VARS2: variants seen among roughly 807,000 people sequenced by gnomAD.
The protein encoded by VARS2 is valine--tRNA ligase, mitochondrial.
In VARS2, 105 loss-of-function variants were observed where a neutral mutation model predicts 154.1. The observed-to-expected ratio is 0.68, with a 90% CI of 0.58 to 0.80. The LOEUF (loss-of-function observed/expected upper bound fraction) is 0.80, where lower values mean the gene tolerates loss of function less well. VARS2 is among the 30% of genes least tolerant of loss of function. VARS2 has a pLI of 0.00. For missense variants in VARS2, 1,157 were observed against 1,361.4 expected (o/e 0.85, Z 2.36); for synonymous variants, 483 against 539.5 (o/e 0.90, Z 1.45).
At position 30,924,547 on chromosome 6, in the gene VARS2, G is replaced by T; in HGVS notation, c.2660G>T (p.Ser887Ile). The change falls in exon 26 of 30, where the codon AGC (serine) becomes ATC (isoleucine). Residue 887 changes from serine (S) to isoleucine (I), a missense_variant. Coordinates refer to ENST00000676266, the MANE Select transcript of VARS2 (RefSeq NM_020442.6). Reference protein sequence around the residue: ...APSISVAPYPSACSLEHWRQP... With the variant: ...APSISVAPYPIACSLEHWRQP... ...AGCATCTCGGTTGCCCCCTACCCCA[G>T]CGCCTGCAGCTTGGTGAGTCCCAAG... The T allele has an allele frequency of 1.3e-6, 2 of 1,531,956 alleles. No homozygotes were observed. The highest frequency in any genetic ancestry group is 1.8e-6 in the Non-Finnish European group (2 of 1,133,566). The allele number at this position is 1,531,956 out of a possible 1,614,324, so 94.9% of individuals were successfully genotyped here.
chr6:30,925,756 G>A, intron 28 of VARS2, 37 bp downstream of exon 28: 1 of 1,610,782 alleles, frequency 6.2e-7, no homozygotes, highest in Non-Finnish European at 8.5e-7. Context: ...GGGCAGGCTT[G>A]GGAAGCATGC....
rs780866701 is a variant in VARS2, at chr6:30,925,874, C to A, written c.2962-6C>A. 6.2e-7 allele frequency: 1 copy of A among 1,612,562 alleles called. No homozygotes were observed. The highest frequency in any genetic ancestry group is 2.2e-5 in the East Asian group (1 of 44,884). ...GTCTGAGCCTTTTCTCCCTGTTCTTCCCCAGGGCCTGGTGGACCCGCAGAT... is the reference window on the plus strand; with the variant it reads ...GTCTGAGCCTTTTCTCCCTGTTCTTACCCAGGGCCTGGTGGACCCGCAGAT... On this transcript the variant is annotated splice_polypyrimidine_tract_variant and splice_region_variant and intron_variant, in intron 28 of 29. Transcript: ENST00000676266.
chr6:30,925,241 C>G, intron 26 of VARS2, 33 bp from the exon 27 acceptor site: 2 of 1,568,300 alleles, frequency 1.3e-6, no homozygotes, highest in Non-Finnish European at 1.7e-6. Flanking sequence ...CCCAGGAGCC[C>G]CTTTGCCAAT....
At position 30,922,125 on chromosome 6, in the gene VARS2, C is replaced by A. The variant is rs1367571573; in HGVS notation, c.1816C>A (p.Leu606Ile). 7 of 1,612,694 alleles carry A rather than the reference C, an allele frequency of 4.3e-6. No individual in the cohort carries two copies. In the African/African-American group the frequency reaches 9.4e-5, roughly 22 times the overall value. ...ALGWPQETPDLARFYPLSLLE... is the reference protein window; with the variant it reads ...ALGWPQETPDIARFYPLSLLE... ...CTCCTCTTCCCCCTAGACCCCAGAC[C>A]TTGCTCGTTTCTACCCCCTGTCACT... Residue 606 changes from leucine to isoleucine, a missense_variant, in exon 20 of 30, where the codon CTT (leucine) becomes ATT (isoleucine). Coordinates refer to ENST00000676266, the MANE Select transcript of VARS2 (RefSeq NM_020442.6).
At position 30,920,859 on chromosome 6, in the gene VARS2, C is replaced by A; in HGVS notation, c.1479+110C>A. ...CCTCCTGCCCTGAAGACCTCTCCAG[C>A]TGTGGTAACTGAGAGGATGTGTGGG... On this transcript the variant is annotated intron_variant, in intron 15 of 29. Transcript: ENST00000676266. This position sits in a 1 kb window ranked among gnomAD's most constrained non-coding sequence, Gnocchi z 4.6. The A allele has an allele frequency of 9.0e-7, 1 of 1,117,230 alleles. No individual in the cohort carries two copies. Among genetic ancestry groups the A allele is most frequent in the Non-Finnish European group, 1.3e-6 (1 of 795,748 alleles). The allele number at this position is 1,117,230 out of a possible 1,614,324, so 69.2% of individuals were successfully genotyped here. A position where few individuals can be genotyped will look rare whatever the true frequency, so the allele number is the denominator to read the frequency against.
In VARS2 at chr6:30,918,888, C is replaced by T. The variant is rs199628912; in HGVS notation, c.1047C>T (p.Ala349=). The change falls in exon 11 of 30, where the codon GCC becomes GCT. Residue 349 remains alanine (A), a synonymous_variant. Transcript: ENST00000676266. ...CGCTGCCTGGAGATGTGGCTGTGGC[C>T]GTTCATCCAGACGACTCGCGATACA... ...PETLPGDVAV[A]VHPDDSRYTH... 18 of 1,612,812 alleles carry T rather than the reference C, an allele frequency of 1.1e-5. No homozygotes were observed. The highest frequency in any genetic ancestry group is 2.7e-5 in the African/African-American group (2 of 74,898).
chr6:30,915,766 A>G lies in VARS2; in HGVS notation c.405A>G (p.Thr135=). ...PEYQARLPQA[T]GETFSMCIPP... ...TCTAGGCCCGGCTGCCCCAAGCTAC[A>G]GGGGAGACCTTTTCCATGTGTATCC... Residue 135 remains threonine (T), a synonymous_variant, in exon 5 of 30, where the codon ACA becomes ACG. Coordinates refer to ENST00000676266, the MANE Select transcript of VARS2 (RefSeq NM_020442.6). 6.2e-7 allele frequency: 1 copy of G among 1,613,494 alleles called. No homozygotes were observed. The highest frequency in any genetic ancestry group is 8.5e-7 in the Non-Finnish European group (1 of 1,180,002).
chr6:30,921,024 G>T lies in VARS2; in HGVS notation c.1480-41G>T. On this transcript the variant is annotated intron_variant, in intron 15 of 29. Transcript: ENST00000676266. This position sits in a 1 kb window ranked among gnomAD's most constrained non-coding sequence, Gnocchi z 4.6. Reference sequence around the variant, plus strand: ...GTCCTATCTGTGGAGGTGCGGCCGTGCAGGAAGGGCAACATTGTCTAAAGT... The same window carrying T: ...GTCCTATCTGTGGAGGTGCGGCCGTTCAGGAAGGGCAACATTGTCTAAAGT... 1 of 1,576,040 alleles carries T rather than the reference G, an allele frequency of 6.3e-7. No individual in the cohort carries two copies. Among genetic ancestry groups the T allele is most frequent in the Middle Eastern group, 1.7e-4 (1 of 5,852 alleles).
intron 26 of VARS2, 58 bp from the exon 27 acceptor site, chr6:30,925,216 G>A (rs901593058): frequency 1.5e-6 from 2 of 1,335,682 alleles, no homozygotes; most frequent in Non-Finnish European, 2.1e-6. Flanking sequence ...AGCCAGCAGG[G>A]TTGGTACTGA....
rs1025339135 is a variant in VARS2, at chr6:30,914,658, C to T, written c.-27-152C>T. On this transcript the variant is annotated intron_variant, in intron 1 of 29. Coordinates refer to ENST00000676266, the MANE Select transcript of VARS2 (RefSeq NM_020442.6). ...CATGGCGCTGTCTGTCGATACCATG[C>T]ACTCTAGCTCTCAAGGAGGAAAGGT... The T allele has an allele frequency of 9.7e-6, 10 of 1,034,600 alleles. No homozygotes were observed. In the Admixed American group the frequency reaches 2.7e-4, roughly 27 times the overall value. The allele number at this position is 1,034,600 out of a possible 1,614,324, so 64.1% of individuals were successfully genotyped here.
rs1437146141 is a variant in VARS2 at position 30,926,355 on chromosome 6, C to T, written c.*145C>T. ...AAATGAGGACACAGACTGGCTTGGT[C>T]GCAGTGACTGTGGTGTCCTTGAGAT... On this transcript the variant is annotated 3_prime_UTR_variant, in exon 30 of 30. Coordinates refer to ENST00000676266, the MANE Select transcript of VARS2 (RefSeq NM_020442.6). 2.6e-5 allele frequency: 22 copies of T among 836,592 alleles called. No individual in the cohort carries two copies. The highest frequency in any genetic ancestry group is 1.5e-4 in the South Asian group (9 of 59,932). The allele number at this position is 836,592 out of a possible 1,614,324, so 51.8% of individuals were successfully genotyped here.
In VARS2 at chr6:30,916,809, G is replaced by T. The variant is rs1029415849; in HGVS notation, c.672-69G>T. On this transcript the variant is annotated intron_variant, in intron 7 of 29. Transcript: ENST00000676266. This position sits in a 1 kb window ranked among gnomAD's most constrained non-coding sequence, Gnocchi z 4.0. ...CCTCCAACACCTGGCATTGCTGGGG[G>T]CATCGCTGGGCCTGGTACATAGGAA... The T allele has an allele frequency of 1.6e-5, 24 of 1,494,954 alleles. No individual in the cohort carries two copies. The highest frequency in any genetic ancestry group is 2.8e-5 in the African/African-American group (2 of 72,486). 92.6% of individuals were successfully genotyped at this position (1,494,954 alleles called of 1,614,324 possible). A position where few individuals can be genotyped will look rare whatever the true frequency, so the allele number is the denominator to read the frequency against.
intron 10 of VARS2, 74 bp from the exon 11 acceptor site, chr6:30,918,753 A>G (rs1217400736): frequency 7.4e-6 from 9 of 1,210,232 alleles, no homozygotes; most frequent in Non-Finnish European, 6.0e-6. Flanking sequence ...TTCCAGTTCT[A>G]CTGCCTTTAG....
At position 30,920,472 on chromosome 6, in the gene VARS2, C is replaced by T; in HGVS notation, c.1397+36C>T. The T allele has an allele frequency of 6.4e-7, 1 of 1,566,360 alleles. No individual in the cohort carries two copies. Among genetic ancestry groups the T allele is most frequent in the African/African-American group, 1.4e-5 (1 of 73,554 alleles). Reference sequence around the variant, plus strand: ...TTTAACTCCTTTACTAAGGGCTACCCCAAAAGGGAATGTATGGAGCTTAAG... The same window carrying T: ...TTTAACTCCTTTACTAAGGGCTACCTCAAAAGGGAATGTATGGAGCTTAAG... On this transcript the variant is annotated intron_variant, in intron 14 of 29. Transcript: ENST00000676266. The surrounding 1 kb of genome is among the most constrained non-coding windows in gnomAD (Gnocchi z 4.6).
Position 30,920,516 on chromosome 6 carries a change from T to G in VARS2, c.1397+80T>G. On this transcript the variant is annotated intron_variant, in intron 14 of 29. Coordinates refer to ENST00000676266, the MANE Select transcript of VARS2 (RefSeq NM_020442.6). This position sits in a 1 kb window ranked among gnomAD's most constrained non-coding sequence, Gnocchi z 4.6. ...GCTTAAGGGTGACAATAGGATGGGC[T>G]CTGCACCCCTCCGTTAGAATACGAG... is the stretch of plus-strand genomic sequence containing the variant. 1.4e-6 allele frequency: 2 copies of G among 1,415,424 alleles called. No homozygotes were observed. Among genetic ancestry groups the G allele is most frequent in the East Asian group, 4.8e-5 (2 of 41,976 alleles). 87.7% of individuals were successfully genotyped at this position (1,415,424 alleles called of 1,614,324 possible).
In VARS2 at chr6:30,915,727, A is replaced by G; in HGVS notation, c.385-19A>G. 6.2e-7 allele frequency: 1 copy of G among 1,612,172 alleles called. No individual in the cohort carries two copies. Reference sequence around the variant, plus strand: ...AATCCAATTCTCTCTTGCCCCTTTGACTTTTTTTCTTCCTCTAGGCCCGGC... The same window carrying G: ...AATCCAATTCTCTCTTGCCCCTTTGGCTTTTTTTCTTCCTCTAGGCCCGGC... On this transcript the variant is annotated intron_variant, in intron 4 of 29. Coordinates refer to ENST00000676266, the MANE Select transcript of VARS2 (RefSeq NM_020442.6).
chr6:30,915,664 C>A, intron 4 of VARS2, 82 bp from the exon 5 acceptor site: 1 of 1,579,598 alleles, frequency 6.3e-7, no homozygotes, highest in African/African-American at 1.3e-5. Flanking sequence ...CCTTGAAGTT[C>A]TTTCTGTTCT....
Position 30,915,105 on chromosome 6 carries a change from A to T in VARS2, c.202-51A>T, listed in dbSNP as rs756391685. 1.7e-5 allele frequency: 28 copies of T among 1,611,516 alleles called. No individual in the cohort carries two copies. The Admixed American group carries it at 4.5e-4, about 26-fold the overall frequency. On this transcript the variant is annotated intron_variant, in intron 2 of 29. Transcript: ENST00000676266. ...GAGGGGCTGGAGGAGACCGGCTGAA[A>T]TGCAGTCTGGGGTATACTGGATCCC...
At position 30,921,424 on chromosome 6, in the gene VARS2, A is replaced by T. The variant is rs1794505309; in HGVS notation, c.1632+119A>T. The T allele has an allele frequency of 6.9e-7, 1 of 1,454,810 alleles. No individual in the cohort carries two copies. Among genetic ancestry groups the T allele is most frequent in the Non-Finnish European group, 9.5e-7 (1 of 1,051,340 alleles). The allele number at this position is 1,454,810 out of a possible 1,614,324, so 90.1% of individuals were successfully genotyped here. On this transcript the variant is annotated intron_variant, in intron 17 of 29. Transcript: ENST00000676266. The surrounding 1 kb of genome is among the most constrained non-coding windows in gnomAD (Gnocchi z 4.6). ...GGTCATGTGCTTCATGCTCATAGTC[A>T]TGTAACCTTCTGCGCGATCAAGGCT...
Sources: allele counts gnomAD v4.1 joint callset, GRCh38; gene constraint gnomAD v4.1.1; non-coding constraint Gnocchi (gnomAD v3.1); transcripts MANE v1.5; gene names NCBI Gene and HGNC (gene_info 2026-07-23, HGNC 2026-07-21).